OGDHL: variants seen among roughly 807,000 people sequenced by gnomAD.
The protein encoded by OGDHL is 2-oxoglutarate dehydrogenase-like, mitochondrial.
In OGDHL, 79 loss-of-function variants were observed where a neutral mutation model predicts 109.6. The ratio of observed to expected loss-of-function variants is 0.72; its 90% CI spans 0.60 to 0.87. OGDHL has a LOEUF of 0.87. Ranked by LOEUF, OGDHL falls within the 40% of genes least tolerant of loss-of-function variation. OGDHL has a pLI of 0.00. For missense variants in OGDHL, 1,275 were observed against 1,362.2 expected (o/e 0.94, Z 1.01); for synonymous variants, 528 against 537.2 (o/e 0.98, Z 0.24).
chr10:49,739,873 C>T, intron 16 of OGDHL, 34 bp from the exon 17 acceptor site: 5 of 1,588,388 alleles, frequency 3.1e-6, no homozygotes, highest in Non-Finnish European at 4.3e-6. Flanking sequence ...TTGCTGCACA[C>T]AGTCACCAAG....
chr10:49,758,001 T>A (rs947622507), intron 2 of OGDHL, among the ~76,000 whole-genome samples: 8 of 152,210 alleles, frequency 5.3e-5, no homozygotes, highest in African/African-American at 1.9e-4. Context: ...GAGAACAACT[T>A]CACTTTTCAC....
chr10:49,756,560 A>T, intron 3 of OGDHL: 2 of 481,824 alleles, frequency 4.2e-6, no homozygotes, highest in Non-Finnish European at 7.4e-6. Context: ...CAAGGACACA[A>T]GTCAGTATGC....
chr10:49,748,069 C>G (rs1235185986), intron 8 of OGDHL, among the ~76,000 whole-genome samples: 1 of 152,168 alleles, frequency 6.6e-6, no homozygotes, highest in Non-Finnish European at 1.5e-5. Flanking sequence ...TGGATGGGCT[C>G]GCTGACATCT....
Position 49,735,299 on chromosome 10 carries a change from G to A in OGDHL, c.2962C>T (p.His988Tyr). The change falls in exon 23 of 23, where the codon CAC (histidine) becomes TAC (tyrosine). Residue 988 changes from histidine (H) to tyrosine (Y), a missense_variant. Transcript: ENST00000374103. The stretch of plus-strand genomic sequence containing the variant: ...AGAAACTTCTTCAGTGACACCAGGT[G>A]AGTGTTCCTGTTTCCTGTGGCTGGT... ...AAPATGNRNT[H>Y]LVSLKKFLDT... The A allele has an allele frequency of 2.5e-6, 4 of 1,614,120 alleles. No homozygotes were observed. The highest frequency in any genetic ancestry group is 3.4e-6 in the Non-Finnish European group (4 of 1,180,010).
At chr10:49,741,398 T>C (rs939569557) in intron 15 of OGDHL, among the ~76,000 whole-genome samples, 1 of 152,064 alleles carries the variant, frequency 6.6e-6, no homozygotes, top group Admixed American at 6.5e-5. Context: ...ACCTGGGCCC[T>C]GGCTGGAGCA....
chr10:49,745,599 GC>G (rs1389790887), intron 11 of OGDHL, 103 bp from the exon 12 acceptor site: 8 of 1,444,040 alleles, frequency 5.5e-6, no homozygotes, highest in Middle Eastern at 1.9e-4. Flanking sequence ...CCCACTGGGA[GC>G]CCTTTGAGCT....
chr10:49,737,385 T>C (rs1204204545), intron 20 of OGDHL, among the ~76,000 whole-genome samples: 2 of 152,122 alleles, frequency 1.3e-5, no homozygotes, highest in African/African-American at 4.8e-5. Flanking sequence ...CTGATCTGAC[T>C]CCCAGGGAAA....
chr10:49,751,830 A>G lies in OGDHL; in HGVS notation c.746T>C (p.Met249Thr), dbSNP rs1403212325. Residue 249 changes from methionine to threonine, a missense_variant, in exon 6 of 23, where the codon ATG becomes ACG. By Grantham distance (81) the Met-to-Thr change is moderately conservative (BLOSUM62 -1). Coordinates refer to ENST00000374103, the MANE Select transcript of OGDHL (RefSeq NM_018245.3). ...TGGCCCTCCAGGTGGTGCCAACCTC[A>G]TGGAGCGCACTAGCCGGGCCAGCAG... is the stretch of plus-strand genomic sequence containing the variant. Reference protein sequence around the residue: ...RTLLARLVRSMRFEDFLARKW... With the variant: ...RTLLARLVRSTRFEDFLARKW... The G allele has an allele frequency of 3.1e-6, 5 of 1,613,304 alleles. No homozygotes were observed. Among genetic ancestry groups the G allele is most frequent in the Non-Finnish European group, 4.2e-6 (5 of 1,179,818 alleles).
chr10:49,740,758 C>A lies in OGDHL; in HGVS notation c.2092G>T (p.Ala698Ser). The change falls in exon 16 of 23, where the codon GCC (alanine) becomes TCC (serine). Residue 698 changes from alanine (A) to serine (S), a missense_variant. By Grantham distance (99) the Ala-to-Ser change is moderately conservative (BLOSUM62 1). Transcript: ENST00000374103. Reference protein sequence around the residue: ...VPMNHLWPDQAPYTVCNSSLS... With the variant: ...VPMNHLWPDQSPYTVCNSSLS... ...GAGCTGTTGCACACGGTGTACGGGG[C>A]CTGGTCAGGCCAGAGATGATTCATA... 1 of 1,613,890 alleles carries A rather than the reference C, an allele frequency of 6.2e-7. No individual in the cohort carries two copies. The highest frequency in any genetic ancestry group is 8.5e-7 in the Non-Finnish European group (1 of 1,179,828).
chr10:49,737,801 C>T lies in OGDHL; in HGVS notation c.2575G>A (p.Asp859Asn), dbSNP rs762994839. The T allele has an allele frequency of 1.2e-6, 2 of 1,614,176 alleles. No homozygotes were observed. The highest frequency in any genetic ancestry group is 8.5e-7 in the Non-Finnish European group (1 of 1,180,018). Residue 859 changes from aspartate (D) to asparagine (N), a missense_variant, in exon 20 of 23, where the codon GAC becomes AAC. By Grantham distance (23) the Asp-to-Asn change is conservative. Transcript: ENST00000374103. ...LRHPEAKSSF[D>N]QMVSGTSFQR... Reference sequence around the variant, plus strand: ...AGGCACGTACCGGATACCATTTGGTCAAAGCTGGACTTGGCCTCTGGGTGC... The same window carrying T: ...AGGCACGTACCGGATACCATTTGGTTAAAGCTGGACTTGGCCTCTGGGTGC...
intron 15 of OGDHL, among the ~76,000 whole-genome samples, chr10:49,742,031 C>T (rs1332250626): frequency 1.8e-5 from 2 of 113,428 alleles, no homozygotes; most frequent in Non-Finnish European, 4.0e-5. Context: ...CCAAACATGA[C>T]ACATACCACA....
chr10:49,738,160 TC>T, intron 18 of OGDHL, 30 bp downstream of exon 18: 1 of 1,613,948 alleles, frequency 6.2e-7, no homozygotes, highest in Admixed American at 1.7e-5. Flanking sequence ...ATAGGGCGCG[TC>T]CCTGTCCTGG....
intron 2 of OGDHL, 38 bp downstream of exon 2, chr10:49,758,351 T>A: frequency 1.3e-6 from 2 of 1,572,128 alleles, no homozygotes; most frequent in Non-Finnish European, 1.7e-6. Context: ...AGGGCTTCCC[T>A]CCCTTGCGGT....
Position 49,750,990 on chromosome 10 carries a change from T to C in OGDHL, c.750-5A>G. On this transcript the variant is annotated splice_region_variant and splice_polypyrimidine_tract_variant and intron_variant, in intron 6 of 22. Transcript: ENST00000374103. ...CGGGCCAGGAAGTCTTCAAACCTGC[T>C]TGGGGAGAGGATGGGAAGAGGAAAG... 1 of 1,594,304 alleles carries C rather than the reference T, an allele frequency of 6.3e-7. No homozygotes were observed. The highest frequency in any genetic ancestry group is 8.6e-7 in the Non-Finnish European group (1 of 1,166,468).
intron 2 of OGDHL, among the ~76,000 whole-genome samples, chr10:49,757,645 C>A (rs549531907): frequency 6.2e-4 from 95 of 152,354 alleles, no homozygotes; most frequent in African/African-American, 2.2e-3. Context: ...GTGGCACATA[C>A]ATGCAATGGA....
chr10:49,738,642 GCAGA>G, intron 17 of OGDHL: 1 of 289,344 alleles, frequency 3.5e-6, no homozygotes. Flanking sequence ...GCCCCATGAT[GCAGA>G]CACTCTTCCC....
intron 15 of OGDHL, among the ~76,000 whole-genome samples, chr10:49,741,717 T>C (rs182871224): frequency 0.016 from 2,082 of 126,980 alleles, 52 homozygotes; most frequent in African/African-American, 0.058. Context: ...AACACATACA[T>C]ACACACACAC....
intron 1 of OGDHL, among the ~76,000 whole-genome samples, chr10:49,761,994 G>T (rs1021546791): frequency 6.6e-6 from 1 of 152,156 alleles, no homozygotes; most frequent in African/African-American, 2.4e-5. Context: ...CTCTGCGCAG[G>T]ACCCTGGACT....
intron 3 of OGDHL, among the ~76,000 whole-genome samples, chr10:49,753,891 A>G (rs1842759609): frequency 1.1e-5 from 1 of 95,214 alleles, no homozygotes; most frequent in Non-Finnish European, 2.1e-5. Context: ...CTCCATCTAA[A>G]AAAAAAAAAA....
Sources: allele counts gnomAD v4.1 joint callset (sites outside exome capture counted in the v4.1 genomes callset), GRCh38; gene constraint gnomAD v4.1.1; transcripts MANE v1.5; gene names NCBI Gene and HGNC (gene_info 2026-07-23, HGNC 2026-07-21).